Variants in TTC23 observed in about 807,000 individuals in gnomAD.
TTC23 encodes tetratricopeptide repeat domain 23.
TTC23 carries 58 observed loss-of-function variants against 55.1 expected under a neutral mutation model. The ratio of observed to expected loss-of-function variants is 1.05; its 90% CI spans 0.85 to 1.31. TTC23 has a LOEUF of 1.31. Among genes scored for constraint, TTC23 ranks in the 50% most tolerant of loss-of-function variants. TTC23 has a pLI of 0.00. For synonymous variants in TTC23, 203 were observed against 199.9 expected (o/e 1.02, Z -0.13); for missense variants, 516 against 534.4 (o/e 0.97, Z 0.34).
At chr15:99,167,187 A>G (rs1006281437) in intron 10 of TTC23, among the ~76,000 whole-genome samples, 12 of 152,186 alleles carry the variant, frequency 7.9e-5, no homozygotes, top group Admixed American at 7.2e-4. Flanking sequence ...GGATTTCCAG[A>G]AGGACAGGAA....
intron 8 of TTC23, 143 bp from the exon 9 acceptor site, chr15:99,200,239 G>A: frequency 1.4e-6 from 1 of 722,166 alleles, no homozygotes; most frequent in South Asian, 2.7e-5. Flanking sequence ...TCCTCCAAGA[G>A]CCAGCAGGGC....
intron 8 of TTC23, among the ~76,000 whole-genome samples, chr15:99,200,392 T>C (rs1323095988): frequency 2.0e-5 from 3 of 152,176 alleles, no homozygotes; most frequent in Non-Finnish European, 2.9e-5. Flanking sequence ...CATTGGGTTA[T>C]TAAGAAGATT....
At chr15:99,204,319 C>T (rs2602033) in intron 8 of TTC23, among the ~76,000 whole-genome samples, 37,994 of 151,814 alleles carry the variant, frequency 0.25, 5,148 homozygotes, top group African/African-American at 0.35. Context: ...ATCTTCTGCT[C>T]GTTTTAAAAT....
At chr15:99,151,573 C>T (rs1373287215) in intron 12 of TTC23, among the ~76,000 whole-genome samples, 11 of 152,214 alleles carry the variant, frequency 7.2e-5, no homozygotes, top group Admixed American at 3.9e-4. Context: ...TGCATCCTGC[C>T]GGCGAATCAC....
At chr15:99,178,975 G>A (rs1472002362) in intron 9 of TTC23, among the ~76,000 whole-genome samples, 3 of 152,180 alleles carry the variant, frequency 2.0e-5, no homozygotes, top group Non-Finnish European at 2.9e-5. Flanking sequence ...AGGGGCTGGA[G>A]GAATGGATGC....
intron 6 of TTC23, among the ~76,000 whole-genome samples, chr15:99,221,451 A>G (rs575495633): frequency 1.3e-5 from 2 of 152,320 alleles, no homozygotes; most frequent in Admixed American, 6.5e-5. Flanking sequence ...TTTCCTACAA[A>G]GTCTTCTGGC....
At chr15:99,168,908 G>A (rs538155055) in intron 10 of TTC23, among the ~76,000 whole-genome samples, 1 of 152,278 alleles carries the variant, frequency 6.6e-6, no homozygotes, top group Non-Finnish European at 1.5e-5. Context: ...CTGGAGTGTG[G>A]TAAGTGGGTA....
At chr15:99,178,680 T>C (rs2073837683) in intron 9 of TTC23, among the ~76,000 whole-genome samples, 1 of 152,212 alleles carries the variant, frequency 6.6e-6, no homozygotes, top group South Asian at 2.1e-4. Flanking sequence ...CCCAGCTAAC[T>C]GACTTCCTAT....
intron 4 of TTC23, among the ~76,000 whole-genome samples, chr15:99,229,486 G>T (rs1004186230): frequency 1.3e-5 from 2 of 152,186 alleles, no homozygotes; most frequent in Non-Finnish European, 2.9e-5. Flanking sequence ...ACAGGGAAGA[G>T]GGGACCCAGA....
chr15:99,204,189 C>A (rs1380905725), intron 8 of TTC23, among the ~76,000 whole-genome samples: 1 of 152,042 alleles, frequency 6.6e-6, no homozygotes, highest in African/African-American at 2.4e-5. Flanking sequence ...GCATTTTAAT[C>A]GGGGTGCGAT....
At chr15:99,150,235 G>A (rs1332173167) in intron 12 of TTC23, among the ~76,000 whole-genome samples, 1 of 152,192 alleles carries the variant, frequency 6.6e-6, no homozygotes, top group Non-Finnish European at 1.5e-5. Context: ...GGGATGGAAG[G>A]AGGACAAAGA....
chr15:99,192,522 A>G lies in TTC23; in HGVS notation c.759+7397T>C, dbSNP rs541108796. Among the ~76,000 whole-genome samples the G allele has an allele frequency of 1.6e-4, 24 of 152,310 alleles. 1 individual carries two copies. The South Asian group carries it at 4.6e-3, about 29-fold the overall frequency. On this transcript the variant is annotated intron_variant, in intron 9 of 13. Transcript: ENST00000394132. ...AGCCTGAAGACTTGGCAGCTTCCTCATGGTGTTGAGCCTGTGAATGCACAG... is the reference window on the plus strand; with the variant it reads ...AGCCTGAAGACTTGGCAGCTTCCTCGTGGTGTTGAGCCTGTGAATGCACAG...
chr15:99,232,384 C>T (rs2152075864), intron 4 of TTC23, among the ~76,000 whole-genome samples: 1 of 150,902 alleles, frequency 6.6e-6, no homozygotes, highest in Admixed American at 6.6e-5. Flanking sequence ...GAGGCTGAGG[C>T]AGGAGAATTG....
intron 9 of TTC23, among the ~76,000 whole-genome samples, chr15:99,193,502 C>T (rs2075421721): frequency 6.6e-6 from 1 of 152,188 alleles, no homozygotes; most frequent in Non-Finnish European, 1.5e-5. Flanking sequence ...CCACATATGA[C>T]ATGACTTGCT....
Position 99,218,577 on chromosome 15 carries a change from T to C in TTC23, c.581+11A>G, listed in dbSNP as rs1489713224. 1.2e-6 allele frequency: 2 copies of C among 1,614,122 alleles called. No homozygotes were observed. Among genetic ancestry groups the C allele is most frequent in the South Asian group, 2.2e-5 (2 of 91,074 alleles). ...CCATCATGTATGCAAAATCCTAAAC[T>C]TGAAACTTACTGTGCAAATGATAAT... On this transcript the variant is annotated intron_variant, in intron 8 of 13. Coordinates refer to ENST00000394132, the MANE Select transcript of TTC23 (RefSeq NM_001288615.3).
At chr15:99,150,341 T>C (rs1341074178) in intron 12 of TTC23, among the ~76,000 whole-genome samples, 2 of 152,226 alleles carry the variant, frequency 1.3e-5, no homozygotes, top group African/African-American at 4.8e-5. Flanking sequence ...AGGACAACTC[T>C]AGACCCGTTG....
intron 5 of TTC23, among the ~76,000 whole-genome samples, chr15:99,222,928 C>T (rs571414468): frequency 1.3e-5 from 2 of 152,242 alleles, no homozygotes; most frequent in African/African-American, 2.4e-5. Context: ...ACCCGGGAGG[C>T]GGAGCTTGCA....
intron 11 of TTC23, chr15:99,159,892 T>G (rs763240314): frequency 6.6e-6 from 1 of 152,310 alleles, no homozygotes. Context: ...CAAGAGATGA[T>G]GAGTGGCAGG....
chr15:99,221,208 G>A (rs114207337), intron 6 of TTC23, among the ~76,000 whole-genome samples: 1,597 of 152,294 alleles, frequency 0.01, 25 homozygotes, highest in African/African-American at 0.037. Context: ...GAAAAACAGA[G>A]CCAAGCAGTG....
Sources: allele counts gnomAD v4.1 joint callset (sites outside exome capture counted in the v4.1 genomes callset), GRCh38; gene constraint gnomAD v4.1.1; transcripts MANE v1.5; gene names NCBI Gene and HGNC (gene_info 2026-07-23, HGNC 2026-07-21).